SPRED2: variants seen among roughly 807,000 people sequenced by gnomAD.
The protein encoded by SPRED2 is sprouty-related, EVH1 domain-containing protein 2.
In SPRED2, 47 loss-of-function variants were observed where a neutral mutation model predicts 43.0. The observed-to-expected ratio is 1.09, with a 90% CI of 0.87 to 1.40. The LOEUF (loss-of-function observed/expected upper bound fraction) is 1.40, where lower values mean the gene tolerates loss of function less well. Ranked by LOEUF, SPRED2 falls within the 40% of genes most tolerant of loss-of-function variation. SPRED2 has a pLI of 0.00. For missense variants in SPRED2, 561 were observed against 586.4 expected (o/e 0.96, Z 0.45); for synonymous variants, 225 against 225.7 (o/e 1.00, Z 0.03).
intron 1 of SPRED2, among the ~76,000 whole-genome samples, chr2:65,349,433 A>C (rs1401774431): frequency 1.3e-5 from 2 of 152,084 alleles, no homozygotes; most frequent in Non-Finnish European, 2.9e-5. Flanking sequence ...AACAAACAAA[A>C]AAACCTAAGG....
At chr2:65,347,688 A>T (rs973538824) in intron 1 of SPRED2, among the ~76,000 whole-genome samples, 13 of 152,080 alleles carry the variant, frequency 8.5e-5, no homozygotes, top group African/African-American at 3.1e-4. Flanking sequence ...GCCCAAATTC[A>T]CATTTCCATC....
At chr2:65,338,247 G>GTCTCCC (rs1277040911) in intron 2 of SPRED2, among the ~76,000 whole-genome samples, 4 of 38,488 alleles carry the variant, frequency 1.0e-4, no homozygotes, top group African/African-American at 2.2e-4. Context: ...TCCCTCTCCC[G>GTCTCCC]TCTCCCTCTC....
chr2:65,368,102 T>G (rs930491004), intron 1 of SPRED2, among the ~76,000 whole-genome samples: 2 of 152,188 alleles, frequency 1.3e-5, no homozygotes, highest in Non-Finnish European at 2.9e-5. Flanking sequence ...GAGGGGTCAC[T>G]AAAGCCCAGA....
In SPRED2 at chr2:65,312,853, G is replaced by A. The variant is rs1558644258; in HGVS notation, c.*648C>T. 9.1e-6 allele frequency: 9 copies of A among 985,866 alleles called. No homozygotes were observed. The highest frequency in any genetic ancestry group is 9.6e-6 in the Non-Finnish European group (8 of 829,930). The allele number at this position is 985,866 out of a possible 1,614,324, so 61.1% of individuals were successfully genotyped here. ...AACAGATTTTGGGGGGGCAGAAAATGATGATGGGCTAAAGATAGAAACTGC... is the reference window on the plus strand; with the variant it reads ...AACAGATTTTGGGGGGGCAGAAAATAATGATGGGCTAAAGATAGAAACTGC... On this transcript the variant is annotated 3_prime_UTR_variant, in exon 6 of 6. Coordinates refer to ENST00000356388, the MANE Select transcript of SPRED2 (RefSeq NM_181784.3).
At position 65,311,001 on chromosome 2, in the gene SPRED2, T is replaced by C; in HGVS notation, c.*2500A>G. The C allele has an allele frequency of 2.0e-6, 2 of 984,104 alleles. No individual in the cohort carries two copies. The highest frequency in any genetic ancestry group is 1.2e-6 in the Non-Finnish European group (1 of 828,392). The allele number at this position is 984,104 out of a possible 1,614,324, so 61.0% of individuals were successfully genotyped here. ...TTTTACACAGAGGTAAAAAGGCTTATTATAAAAAAATCAATACAACAGGGT... is the reference window on the plus strand; with the variant it reads ...TTTTACACAGAGGTAAAAAGGCTTACTATAAAAAAATCAATACAACAGGGT... On this transcript the variant is annotated 3_prime_UTR_variant, in exon 6 of 6. Transcript: ENST00000356388.
chr2:65,336,272 T>C (rs1001935159), intron 2 of SPRED2, among the ~76,000 whole-genome samples: 57 of 152,064 alleles, frequency 3.7e-4, no homozygotes, highest in Non-Finnish European at 8.8e-5. Context: ...GGAGGAACGC[T>C]TGAGCCTGGG....
chr2:65,369,474 G>T (rs1394703959), intron 1 of SPRED2, among the ~76,000 whole-genome samples: 1 of 152,092 alleles, frequency 6.6e-6, no homozygotes, highest in Non-Finnish European at 1.5e-5. Flanking sequence ...CTTTTCCCCT[G>T]ATCTTTTACT....
intron 2 of SPRED2, among the ~76,000 whole-genome samples, chr2:65,341,642 C>T (rs199892709): frequency 6.6e-6 from 1 of 152,070 alleles, no homozygotes; most frequent in East Asian, 1.9e-4. Flanking sequence ...TAGTATCTTC[C>T]TCCTTCAAAA....
At chr2:65,404,809 C>T (rs1436018603) in intron 1 of SPRED2, among the ~76,000 whole-genome samples, 3 of 152,276 alleles carry the variant, frequency 2.0e-5, no homozygotes, top group Non-Finnish European at 4.4e-5. Context: ...CCCAGTTATC[C>T]ATGTACTACC....
chr2:65,425,000 T>C (rs1048528746), intron 1 of SPRED2, among the ~76,000 whole-genome samples: 2 of 152,072 alleles, frequency 1.3e-5, no homozygotes, highest in Non-Finnish European at 1.5e-5. Context: ...TTAGTATGGA[T>C]GCAAATACAA....
intron 1 of SPRED2, among the ~76,000 whole-genome samples, chr2:65,354,628 T>C (rs1014425278): frequency 6.6e-6 from 1 of 151,188 alleles, no homozygotes; most frequent in Non-Finnish European, 1.5e-5. Context: ...GTCTTAAGGA[T>C]ACCACTATAT....
rs990745440 is a variant in SPRED2, at chr2:65,311,449, T to A, written c.*2052A>T. ...TGACAAACAAAAAACAGCTGGGATA[T>A]GTGCGTTCTTATTGAAATAAATAGG... is the stretch of plus-strand genomic sequence containing the variant. On this transcript the variant is annotated 3_prime_UTR_variant, in exon 6 of 6. Coordinates refer to ENST00000356388, the MANE Select transcript of SPRED2 (RefSeq NM_181784.3). 2 of 985,736 alleles carry A rather than the reference T, an allele frequency of 2.0e-6. No homozygotes were observed. Among genetic ancestry groups the A allele is most frequent in the Non-Finnish European group, 2.4e-6 (2 of 829,930 alleles). The allele number at this position is 985,736 out of a possible 1,614,324, so 61.1% of individuals were successfully genotyped here. A position where few individuals can be genotyped will look rare whatever the true frequency, so the allele number is the denominator to read the frequency against.
At chr2:65,355,276 A>C (rs1206015565) in intron 1 of SPRED2, among the ~76,000 whole-genome samples, 1 of 152,212 alleles carries the variant, frequency 6.6e-6, no homozygotes, top group East Asian at 1.9e-4. Context: ...ACCTTAAAGA[A>C]GGCTCTACAA....
At chr2:65,419,792 A>G (rs1676377776) in intron 1 of SPRED2, among the ~76,000 whole-genome samples, 1 of 152,218 alleles carries the variant, frequency 6.6e-6, no homozygotes, top group South Asian at 2.1e-4. Context: ...CATGGAGTGC[A>G]TATGGTTTCC....
intron 1 of SPRED2, among the ~76,000 whole-genome samples, chr2:65,415,000 G>A (rs1258278012): frequency 6.6e-6 from 1 of 152,122 alleles, no homozygotes; most frequent in African/African-American, 2.4e-5. Flanking sequence ...GTCTTGCTAT[G>A]TTGCCCAGGC....
chr2:65,424,717 G>A (rs12470883), intron 1 of SPRED2, among the ~76,000 whole-genome samples: 60,435 of 151,984 alleles, frequency 0.4, 12,221 homozygotes, highest in Middle Eastern at 0.51. Flanking sequence ...CTGGAAGGTC[G>A]AGACAGGAGG....
chr2:65,334,462 T>G (rs758462098), intron 3 of SPRED2, 143 bp downstream of exon 3: 1 of 890,872 alleles, frequency 1.1e-6, no homozygotes, highest in Non-Finnish European at 1.7e-6. Context: ...TCCTTGGAAA[T>G]TCCAAAAGTT....
intron 1 of SPRED2, among the ~76,000 whole-genome samples, chr2:65,375,581 A>C (rs925536487): frequency 6.6e-6 from 1 of 152,356 alleles, no homozygotes; most frequent in African/African-American, 2.4e-5. Context: ...AAGACGAAAC[A>C]GTAGGGGGAA....
At position 65,332,304 on chromosome 2, in the gene SPRED2, G is replaced by A. The variant is rs1673836722; in HGVS notation, c.374-253C>T. Reference sequence around the variant, plus strand: ...TCTCAAACTTCTGCACTCGCTGCTAGAGAATAAGCACACAGAAAGGCACTG... The same window carrying A: ...TCTCAAACTTCTGCACTCGCTGCTAAAGAATAAGCACACAGAAAGGCACTG... On this transcript the variant is annotated intron_variant, in intron 3 of 5. Transcript: ENST00000356388. The A allele has an allele frequency of 1.2e-5, 4 of 341,140 alleles. No individual in the cohort carries two copies. The East Asian group carries it at 2.7e-4, about 23-fold the overall frequency. The allele number at this position is 341,140 out of a possible 1,614,324, so 21.1% of individuals were successfully genotyped here. A position where few individuals can be genotyped will look rare whatever the true frequency, so the allele number is the denominator to read the frequency against.
Sources: gnomAD v4.1 joint callset for allele counts (sites outside exome capture counted in the v4.1 genomes callset) on GRCh38, gnomAD v4.1.1 for gene constraint, MANE v1.5 for transcripts, NCBI Gene and HGNC (gene_info 2026-07-23, HGNC 2026-07-21) for gene names.